The following CNTNAP2 variants were observed in gnomAD, a reference collection of about 807,000 sequenced individuals.
CNTNAP2 encodes the protein contactin associated protein 2, also known as contactin-associated protein-like 2.
CNTNAP2 carries 98 observed loss-of-function variants against 155.2 expected under a neutral mutation model. That is an observed-to-expected ratio of 0.63 (90% confidence interval 0.54 to 0.75). The LOEUF is 0.75. Ranked by LOEUF, CNTNAP2 falls within the 30% of genes least tolerant of loss-of-function variation. The pLI is 0.00. For missense variants in CNTNAP2, 1,727 were observed against 1,688.1 expected (o/e 1.02, Z -0.40); for synonymous variants, 651 against 631.2 (o/e 1.03, Z -0.47).
intron 19 of CNTNAP2, among the ~76,000 whole-genome samples, chr7:148,226,297 G>T (rs922298351): frequency 2.6e-5 from 4 of 152,098 alleles, no homozygotes; most frequent in African/African-American, 7.2e-5. Flanking sequence ...CTTATTCAAA[G>T]GTCCTACATA....
intron 8 of CNTNAP2, among the ~76,000 whole-genome samples, chr7:147,285,131 T>A (rs141109751): frequency 0.015 from 2,316 of 152,026 alleles, 21 homozygotes; most frequent in Middle Eastern, 0.024. Flanking sequence ...TTATGCAATT[T>A]ATAAAGCAAT....
chr7:147,431,598 C>G (rs13235593), intron 10 of CNTNAP2, among the ~76,000 whole-genome samples: 28,458 of 152,140 alleles, frequency 0.19, 3,198 homozygotes, highest in Non-Finnish European at 0.25. Context: ...ACCTCCATCA[C>G]TCAACCAAGA....
intron 1 of CNTNAP2, among the ~76,000 whole-genome samples, chr7:146,514,985 T>C (rs1055624556): frequency 2.0e-5 from 3 of 152,072 alleles, no homozygotes; most frequent in African/African-American, 7.2e-5. Flanking sequence ...GGGGTGCTGC[T>C]TTTCTTTAAT....
At chr7:146,381,184 A>G (rs1795382022) in intron 1 of CNTNAP2, among the ~76,000 whole-genome samples, 1 of 152,210 alleles carries the variant, frequency 6.6e-6, no homozygotes, top group African/African-American at 2.4e-5. Context: ...AACATGTCAC[A>G]AGCAGAGACT....
intron 4 of CNTNAP2, among the ~76,000 whole-genome samples, chr7:147,103,083 T>C (rs1800688336): frequency 6.6e-6 from 1 of 152,172 alleles, no homozygotes; most frequent in African/African-American, 2.4e-5. Context: ...GAAATAATAG[T>C]GTTTATTATA....
At chr7:147,498,171 TAAAAAA>T (rs58638014) in intron 11 of CNTNAP2, among the ~76,000 whole-genome samples, 3 of 130,400 alleles carry the variant, frequency 2.3e-5, no homozygotes, top group Non-Finnish European at 5.1e-5. Flanking sequence ...CAAGCTATGA[TAAAAAA>T]AAAAAAAAAA....
At chr7:147,781,454 G>A (rs1336173083) in intron 13 of CNTNAP2, among the ~76,000 whole-genome samples, 37 of 152,186 alleles carry the variant, frequency 2.4e-4, no homozygotes, top group Admixed American at 2.4e-3. Flanking sequence ...CTAGAGCTTG[G>A]ATAGTGCTGA....
chr7:146,241,380 T>C (rs1158211721), intron 1 of CNTNAP2, among the ~76,000 whole-genome samples: 1 of 152,154 alleles, frequency 6.6e-6, no homozygotes, highest in East Asian at 1.9e-4. Flanking sequence ...CTAGTCTATA[T>C]AGGCCATCAC....
rs977958001 is a variant in CNTNAP2 at position 146,304,370 on chromosome 7, G to T, written c.97+187397G>T. Reference sequence around the variant, plus strand: ...ATGCAATTTCTTCCTAGCATTGATGGTCTTTACAATTTGGCATGTCATTGC... The same window carrying T: ...ATGCAATTTCTTCCTAGCATTGATGTTCTTTACAATTTGGCATGTCATTGC... On this transcript the variant is annotated intron_variant, in intron 1 of 23. Transcript: ENST00000361727. 3.3e-5 allele frequency among the ~76,000 whole-genome samples: 5 copies of T among 152,052 alleles called. No individual in the cohort carries two copies. In the East Asian group the frequency reaches 7.7e-4, roughly 23 times the overall value.
chr7:147,254,278 T>G (rs1195542006), intron 8 of CNTNAP2, among the ~76,000 whole-genome samples: 2 of 152,126 alleles, frequency 1.3e-5, no homozygotes, highest in Non-Finnish European at 2.9e-5. Flanking sequence ...GTTCTATAAG[T>G]TTTTTCGTAA....
intron 8 of CNTNAP2, among the ~76,000 whole-genome samples, chr7:147,160,199 T>C (rs1584763426): frequency 6.6e-6 from 1 of 152,212 alleles, no homozygotes; most frequent in East Asian, 1.9e-4. Flanking sequence ...CCAGGATAAT[T>C]TCAGTTGATG....
At chr7:147,968,560 C>A (rs947952714) in intron 14 of CNTNAP2, among the ~76,000 whole-genome samples, 2 of 152,124 alleles carry the variant, frequency 1.3e-5, no homozygotes, top group South Asian at 2.1e-4. Context: ...AACAGAGGGA[C>A]CTGCCGCTTA....
intron 17 of CNTNAP2, among the ~76,000 whole-genome samples, chr7:148,150,599 T>C (rs1274036876): frequency 6.6e-6 from 1 of 151,986 alleles, no homozygotes; most frequent in Non-Finnish European, 1.5e-5. Flanking sequence ...CAGCTATGAA[T>C]TTCTGGAGCC....
intron 1 of CNTNAP2, among the ~76,000 whole-genome samples, chr7:146,527,529 G>C (rs1299462765): frequency 1.3e-5 from 2 of 149,300 alleles, no homozygotes; most frequent in African/African-American, 2.6e-5. Flanking sequence ...GATGGTATTT[G>C]TAAGGGTATA....
At position 147,518,085 on chromosome 7, in the gene CNTNAP2, A is replaced by AT. The variant is rs543748515; in HGVS notation, c.1777+32045dup. 2.9e-3 allele frequency among the ~76,000 whole-genome samples: 448 copies of AT among 152,278 alleles called. 1 individual carries two copies. Among genetic ancestry groups the AT allele is most frequent in the African/African-American group, 9.8e-3 (408 of 41,558 alleles). On this transcript the variant is annotated intron_variant, in intron 11 of 23. Coordinates refer to ENST00000361727, the MANE Select transcript of CNTNAP2 (RefSeq NM_014141.6). ...TTTGTTTAAGAGTATATAGTTATCAATCCTTAAAGCCGAATTTCATTCTTG... is the reference window on the plus strand; with the variant it reads ...TTTGTTTAAGAGTATATAGTTATCAATTCCTTAAAGCCGAATTTCATTCTTG...
chr7:148,294,749 T>G (rs896487025), intron 21 of CNTNAP2, among the ~76,000 whole-genome samples: 35 of 152,168 alleles, frequency 2.3e-4, no homozygotes, highest in African/African-American at 8.0e-4. Context: ...AACAAAAAAC[T>G]TTTATGAATC....
At chr7:146,552,006 A>G (rs186500538) in intron 1 of CNTNAP2, among the ~76,000 whole-genome samples, 474 of 152,226 alleles carry the variant, frequency 3.1e-3, no homozygotes, top group South Asian at 0.023. Flanking sequence ...ATATATTTAT[A>G]TATGTCACTG....
intron 10 of CNTNAP2, among the ~76,000 whole-genome samples, chr7:147,478,000 C>T (rs375340796): frequency 3.5e-4 from 54 of 152,218 alleles, no homozygotes; most frequent in African/African-American, 8.9e-4. Context: ...CTGCATATAA[C>T]GCAACACATA....
chr7:146,343,943 TATAA>T (rs1179539636), intron 1 of CNTNAP2, among the ~76,000 whole-genome samples: 1 of 152,066 alleles, frequency 6.6e-6, no homozygotes, highest in African/African-American at 2.4e-5. Flanking sequence ...TTATGAACAA[TATAA>T]ATATTTTATC....
Sources: allele counts gnomAD v4.1 joint callset (sites outside exome capture counted in the v4.1 genomes callset), GRCh38; gene constraint gnomAD v4.1.1; transcripts MANE v1.5; gene names NCBI Gene and HGNC (gene_info 2026-07-23, HGNC 2026-07-21).